Variants in DNAH11 observed in about 807,000 individuals in gnomAD.
DNAH11 encodes dynein axonemal heavy chain 11, also known as axonemal beta dynein heavy chain 11.
DNAH11 carries 442 observed loss-of-function variants against 526.0 expected under a neutral mutation model. The observed-to-expected ratio is 0.84, with a 90% CI of 0.78 to 0.91. DNAH11 has a LOEUF of 0.91. Among genes scored for constraint, DNAH11 ranks in the 40% least tolerant of loss-of-function variants. DNAH11 has a pLI of 0.00. For synonymous variants in DNAH11, 2,461 were observed against 1,935.9 expected, an observed-to-expected ratio of 1.27 and a Z score of -7.12; for missense variants, 6,989 against 5,448.7, an observed-to-expected ratio of 1.28 and a Z score of -8.90.
intron 65 of DNAH11, among the ~76,000 whole-genome samples, chr7:21,840,952 C>T (rs753558053): frequency 4.6e-5 from 7 of 152,096 alleles, no homozygotes; most frequent in Non-Finnish European, 7.4e-5. Context: ...AAGGCCAAGG[C>T]GGGTGGATCA....
chr7:21,793,145 T>C (rs1459784223), intron 61 of DNAH11, among the ~76,000 whole-genome samples: 1 of 152,222 alleles, frequency 6.6e-6, no homozygotes, highest in African/African-American at 2.4e-5. Context: ...ATTAGGAACA[T>C]GTTTAATTTT....
intron 20 of DNAH11, among the ~76,000 whole-genome samples, chr7:21,607,364 G>T (rs1020586118): frequency 6.6e-6 from 1 of 151,980 alleles, no homozygotes; most frequent in Admixed American, 6.6e-5. Context: ...GCCTCTCCCA[G>T]TCTCCTGACT....
At chr7:21,862,117 A>T (rs1437931132) in intron 69 of DNAH11, 94 bp downstream of exon 69, 1 of 1,209,156 alleles carries the variant, frequency 8.3e-7, no homozygotes, top group Non-Finnish European at 1.1e-6. Flanking sequence ...GCAAAATATA[A>T]TAGACTTTTT....
intron 8 of DNAH11, among the ~76,000 whole-genome samples, chr7:21,580,004 T>C (rs942029891): frequency 6.6e-6 from 1 of 152,122 alleles, no homozygotes; most frequent in Non-Finnish European, 1.5e-5. Context: ...TTAGGGTGTA[T>C]AAAAAGAAGA....
intron 9 of DNAH11, 80 bp from the exon 10 acceptor site, chr7:21,587,984 G>C: frequency 7.2e-7 from 1 of 1,390,734 alleles, no homozygotes. Context: ...CATGTAAGAG[G>C]TTTGAAGGGG....
intron 8 of DNAH11, among the ~76,000 whole-genome samples, chr7:21,576,917 T>A (rs762933195): frequency 1.3e-5 from 2 of 152,072 alleles, no homozygotes; most frequent in Non-Finnish European, 2.9e-5. Context: ...ACTACTTATT[T>A]CTGAAATAAA....
chr7:21,772,827 A>C (rs111842142), intron 55 of DNAH11, among the ~76,000 whole-genome samples: 4 of 152,294 alleles, frequency 2.6e-5, no homozygotes, highest in African/African-American at 9.6e-5. Flanking sequence ...GTTTTTCACC[A>C]AGAATTGGCT....
At chr7:21,676,516 A>G (rs1307650391) in intron 30 of DNAH11, among the ~76,000 whole-genome samples, 1 of 152,196 alleles carries the variant, frequency 6.6e-6, no homozygotes, top group Non-Finnish European at 1.5e-5. Context: ...CTTACAAAAG[A>G]GTATCATCAG....
chr7:21,628,649 C>G (rs1033402455), intron 25 of DNAH11, among the ~76,000 whole-genome samples: 1 of 152,018 alleles, frequency 6.6e-6, no homozygotes, highest in African/African-American at 2.4e-5. Flanking sequence ...CCCACTTAAC[C>G]ATGGTAAATG....
intron 54 of DNAH11, among the ~76,000 whole-genome samples, chr7:21,758,236 A>G (rs1253428366): frequency 6.6e-6 from 1 of 152,182 alleles, no homozygotes; most frequent in Non-Finnish European, 1.5e-5. Flanking sequence ...ATTTTCTGTT[A>G]TTATTTGACA....
intron 28 of DNAH11, among the ~76,000 whole-genome samples, chr7:21,643,618 A>C (rs1169437701): frequency 6.6e-6 from 1 of 152,240 alleles, no homozygotes; most frequent in African/African-American, 2.4e-5. Context: ...ATTTAAATCC[A>C]AAAATTGATA....
chr7:21,558,668 CCT>C, intron 2 of DNAH11, 132 bp from the exon 3 acceptor site: 2 of 660,404 alleles, frequency 3.0e-6, no homozygotes, highest in East Asian at 2.8e-5. Context: ...CTGACTTTAT[CCT>C]CTCTTTGTAG....
rs188115808 is a variant in DNAH11, at chr7:21,901,379, C to G, written c.*125C>G. On this transcript the variant is annotated 3_prime_UTR_variant, in exon 82 of 82. Coordinates refer to ENST00000409508, the MANE Select transcript of DNAH11 (RefSeq NM_001277115.2). ...ACTCACACGTGCATTCTTTTTTCAACGCTATCCTTAGAGTGAAAGTCAGAA... is the reference window on the plus strand; with the variant it reads ...ACTCACACGTGCATTCTTTTTTCAAGGCTATCCTTAGAGTGAAAGTCAGAA... 1.1e-4 allele frequency: 143 copies of G among 1,303,194 alleles called. No individual in the cohort carries two copies. The African/African-American group carries it at 1.7e-3, about 15-fold the overall frequency. The allele number at this position is 1,303,194 out of a possible 1,614,324, so 80.7% of individuals were successfully genotyped here.
At chr7:21,561,039 A>T in intron 4 of DNAH11, 32 bp from the exon 5 acceptor site, 1 of 1,436,060 alleles carries the variant, frequency 7.0e-7, no homozygotes. Flanking sequence ...GTTTATATTT[A>T]TTAAAGTTCT....
intron 25 of DNAH11, among the ~76,000 whole-genome samples, chr7:21,629,766 A>G (rs7793021): frequency 0.012 from 1,792 of 151,946 alleles, 27 homozygotes; most frequent in African/African-American, 0.04. Flanking sequence ...TTCTAGTTGC[A>G]TGGTATATCA....
At chr7:21,646,772 C>T (rs1787371224) in intron 28 of DNAH11, among the ~76,000 whole-genome samples, 1 of 152,178 alleles carries the variant, frequency 6.6e-6, no homozygotes, top group African/African-American at 2.4e-5. Flanking sequence ...AGATTAGACA[C>T]TGCTCTAGTC....
At chr7:21,828,942 T>C (rs941244639) in intron 65 of DNAH11, among the ~76,000 whole-genome samples, 4 of 152,114 alleles carry the variant, frequency 2.6e-5, no homozygotes, top group African/African-American at 7.2e-5. Context: ...TTTCTTTCCT[T>C]CTTTTCCTTG....
Position 21,787,478 on chromosome 7 carries a change from A to T in DNAH11, c.9819A>T (p.Glu3273Asp), listed in dbSNP as rs778746926. The T allele has an allele frequency of 1.2e-6, 2 of 1,613,840 alleles. No individual in the cohort carries two copies. Among genetic ancestry groups the T allele is most frequent in the East Asian group, 2.2e-5 (1 of 44,852 alleles). ...AGAACTGTCTAAAAGTGGTGAATGAACACTATTTGAAAGACCCAGAGTTTA... is the reference window on the plus strand; with the variant it reads ...AGAACTGTCTAAAAGTGGTGAATGATCACTATTTGAAAGACCCAGAGTTTA... Reference protein sequence around the residue: ...IPENCLKVVNEHYLKDPEFNP... With the variant: ...IPENCLKVVNDHYLKDPEFNP... Residue 3273 changes from glutamate (E) to aspartate (D), a missense_variant, in exon 60 of 82, where the codon GAA becomes GAT. By Grantham distance (45) the Glu-to-Asp change is conservative. Transcript: ENST00000409508.
intron 76 of DNAH11, among the ~76,000 whole-genome samples, chr7:21,891,122 T>C (rs1303192964): frequency 6.6e-6 from 1 of 152,168 alleles, no homozygotes; most frequent in East Asian, 1.9e-4. Flanking sequence ...CTGAGTTCCT[T>C]AATAACGAGG....
Sources: allele counts gnomAD v4.1 joint callset (sites outside exome capture counted in the v4.1 genomes callset), GRCh38; gene constraint gnomAD v4.1.1; transcripts MANE v1.5; gene names NCBI Gene and HGNC (gene_info 2026-07-23, HGNC 2026-07-21).